SMYD3: variants seen among roughly 807,000 people sequenced by gnomAD.
SMYD3 encodes the protein SET and MYND domain containing 3.
SMYD3 carries 36 observed loss-of-function variants against 57.7 expected under a neutral mutation model. That is an observed-to-expected ratio of 0.62 (90% confidence interval 0.48 to 0.82). SMYD3 has a LOEUF of 0.82. Among genes scored for constraint, SMYD3 ranks in the 40% least tolerant of loss-of-function variants. The pLI, the probability that SMYD3 is intolerant of heterozygous loss-of-function variation, is 0.00. For missense variants in SMYD3, 515 were observed against 538.8 expected (o/e 0.96, Z 0.44); for synonymous variants, 211 against 195.0 (o/e 1.08, Z -0.68).
chr1:245,930,896 T>G (rs981502146), intron 5 of SMYD3: 2 of 152,166 alleles, frequency 1.3e-5, no homozygotes, highest in African/African-American at 4.8e-5. Flanking sequence ...GAGTTGACAT[T>G]TAAGCAATGA....
intron 5 of SMYD3, among the ~76,000 whole-genome samples, chr1:246,213,845 T>C (rs142118666): frequency 0.011 from 1,640 of 152,286 alleles, 11 homozygotes; most frequent in Non-Finnish European, 0.017. Flanking sequence ...CTTTCTCTCA[T>C]TGAACACAGT....
chr1:246,307,413 CTTTTTTTTTT>C (rs869254416), intron 5 of SMYD3, among the ~76,000 whole-genome samples: 4 of 96,068 alleles, frequency 4.2e-5, no homozygotes, highest in East Asian at 3.4e-4. Flanking sequence ...TTAGGGGATT[CTTTTTTTTTT>C]TTTTTTTTTT....
intron 5 of SMYD3, among the ~76,000 whole-genome samples, chr1:246,173,674 C>G (rs1416790178): frequency 6.6e-6 from 1 of 152,136 alleles, no homozygotes; most frequent in Non-Finnish European, 1.5e-5. Context: ...CACTGTCTTC[C>G]ACCTCCATAT....
Position 246,086,759 on chromosome 1 carries a change from C to T in SMYD3, c.532-156822G>A, listed in dbSNP as rs924788159. Among the ~76,000 whole-genome samples the T allele has an allele frequency of 3.5e-4, 53 of 151,454 alleles. 1 individual carries two copies. The highest frequency in any genetic ancestry group is 1.2e-3 in the African/African-American group (49 of 41,192). On this transcript the variant is annotated intron_variant, in intron 5 of 11. Transcript: ENST00000490107. ...TATTTTAAGTTCTGGGATACATGTG[C>T]GGGACCTGCAGGTTTGTTATGTAGG... is the stretch of plus-strand genomic sequence containing the variant.
At chr1:246,192,612 TA>T (rs2062756988) in intron 5 of SMYD3, among the ~76,000 whole-genome samples, 1 of 152,144 alleles carries the variant, frequency 6.6e-6, no homozygotes, top group African/African-American at 2.4e-5. Flanking sequence ...TACAATAAAA[TA>T]AAATCCAAAA....
intron 5 of SMYD3, among the ~76,000 whole-genome samples, chr1:246,238,891 T>TC (rs2063554522): frequency 7.3e-6 from 1 of 137,866 alleles, no homozygotes; most frequent in South Asian, 2.8e-4. Flanking sequence ...TTTCTTTGTT[T>TC]GGTTTTTTTT....
At chr1:246,380,179 G>A (rs1184376042) in intron 1 of SMYD3, among the ~76,000 whole-genome samples, 1 of 152,112 alleles carries the variant, frequency 6.6e-6, no homozygotes, top group African/African-American at 2.4e-5. Flanking sequence ...GGAAGGCTGA[G>A]AAAATCTTAA....
intron 8 of SMYD3, among the ~76,000 whole-genome samples, chr1:245,905,633 G>T (rs1363763939): frequency 6.6e-6 from 1 of 152,212 alleles, no homozygotes; most frequent in African/African-American, 2.4e-5. Context: ...TGGGGCCTGG[G>T]GGACCTCATG....
intron 10 of SMYD3, among the ~76,000 whole-genome samples, chr1:245,812,700 CCAA>C (rs1454395297): frequency 2.1e-4 from 10 of 46,588 alleles, no homozygotes; most frequent in African/African-American, 5.6e-4. Flanking sequence ...AACAACAGTT[CCAA>C]AAAAAAAAAA....
At chr1:246,079,283 T>C (rs1451676570) in intron 5 of SMYD3, among the ~76,000 whole-genome samples, 2 of 152,172 alleles carry the variant, frequency 1.3e-5, no homozygotes, top group Admixed American at 6.5e-5. Flanking sequence ...GTCTGAATGA[T>C]TGTAAGGATT....
intron 1 of SMYD3, among the ~76,000 whole-genome samples, chr1:246,486,972 C>T (rs1263030938): frequency 6.6e-6 from 1 of 152,040 alleles, no homozygotes; most frequent in Non-Finnish European, 1.5e-5. Context: ...GTCTCCAAGA[C>T]AACAAAATAA....
chr1:246,319,281 T>C (rs2065210493), intron 5 of SMYD3, among the ~76,000 whole-genome samples: 1 of 152,200 alleles, frequency 6.6e-6, no homozygotes, highest in African/African-American at 2.4e-5. Flanking sequence ...CTAGCAGCTG[T>C]TGTGAGCAGA....
chr1:246,356,398 C>T (rs2065910955), intron 1 of SMYD3, among the ~76,000 whole-genome samples: 1 of 152,138 alleles, frequency 6.6e-6, no homozygotes, highest in Non-Finnish European at 1.5e-5. Context: ...TTAACACCCC[C>T]CAAAAGATCA....
At chr1:246,232,993 G>A (rs1358832817) in intron 5 of SMYD3, among the ~76,000 whole-genome samples, 2 of 136,472 alleles carry the variant, frequency 1.5e-5, no homozygotes, top group African/African-American at 5.3e-5. Flanking sequence ...CCACGCAGAG[G>A]AGAAGCGCTC....
intron 5 of SMYD3, among the ~76,000 whole-genome samples, chr1:245,955,150 G>A (rs1379673150): frequency 6.6e-6 from 1 of 152,122 alleles, no homozygotes; most frequent in Non-Finnish European, 1.5e-5. Context: ...GGACTGCAGT[G>A]GCGCGATCTC....
intron 1 of SMYD3, among the ~76,000 whole-genome samples, chr1:246,458,528 C>A (rs1033151716): frequency 2.0e-5 from 3 of 146,470 alleles, no homozygotes; most frequent in Non-Finnish European, 4.5e-5. Context: ...CTCACTGCAA[C>A]CTCCGCCTCC....
intron 5 of SMYD3, among the ~76,000 whole-genome samples, chr1:246,176,126 T>C (rs1421995224): frequency 6.6e-6 from 1 of 152,166 alleles, no homozygotes; most frequent in East Asian, 1.9e-4. Flanking sequence ...TCCTTTCCAT[T>C]GAGTCCTCCA....
chr1:245,843,480 T>A (rs2050500749), intron 10 of SMYD3, among the ~76,000 whole-genome samples: 1 of 152,030 alleles, frequency 6.6e-6, no homozygotes, highest in Non-Finnish European at 1.5e-5. Context: ...AATATTTCAT[T>A]AAAATATCCA....
chr1:246,000,979 T>C (rs2059030853), intron 5 of SMYD3, among the ~76,000 whole-genome samples: 1 of 152,174 alleles, frequency 6.6e-6, no homozygotes, highest in Non-Finnish European at 1.5e-5. Flanking sequence ...AGGTTTTCCT[T>C]AATTTCTAAA....
Sources: allele counts gnomAD v4.1 joint callset (sites outside exome capture counted in the v4.1 genomes callset), GRCh38; gene constraint gnomAD v4.1.1; transcripts MANE v1.5; gene names NCBI Gene and HGNC (gene_info 2026-07-23, HGNC 2026-07-21).